PRELID2: variants seen among roughly 807,000 people sequenced by gnomAD.
The protein encoded by PRELID2 is PRELI domain containing 2.
Under a neutral mutation model 28.4 loss-of-function variants are expected in PRELID2, and 25 were observed. The ratio of observed to expected loss-of-function variants is 0.88; its 90% confidence interval spans 0.64 to 1.23. The LOEUF is 1.23. Among genes scored for constraint, PRELID2 ranks in the 50% most tolerant of loss-of-function variants. PRELID2 has a pLI of 0.00. For synonymous variants in PRELID2, 76 were observed against 71.6 expected (o/e 1.06, Z -0.31); for missense variants, 201 against 214.4 (o/e 0.94, Z 0.39).
intron 1 of PRELID2, among the ~76,000 whole-genome samples, chr5:145,643,635 T>C (rs982010544): frequency 3.9e-5 from 6 of 152,232 alleles, no homozygotes; most frequent in Non-Finnish European, 8.8e-5. Context: ...TCCAGTATGA[T>C]ATTGACTGTG....
chr5:145,678,940 C>T (rs1043427962), intron 1 of PRELID2, among the ~76,000 whole-genome samples: 1 of 152,162 alleles, frequency 6.6e-6, no homozygotes, highest in African/African-American at 2.4e-5. Context: ...ATTCACATTT[C>T]TTTATTGCTC....
At chr5:145,818,358 T>G (rs933448597) in intron 3 of PRELID2, among the ~76,000 whole-genome samples, 1 of 152,328 alleles carries the variant, frequency 6.6e-6, no homozygotes, top group South Asian at 2.1e-4. Flanking sequence ...AGGCTGGTTA[T>G]GGCCTTCTTA....
At chr5:145,740,837 T>C in intron 1 of PRELID2, among the ~76,000 whole-genome samples, 1 of 113,036 alleles carries the variant, frequency 8.8e-6, no homozygotes, top group South Asian at 2.6e-4. Flanking sequence ...AATATATATT[T>C]ATCGATAAAT....
chr5:145,287,894 T>C, the PRELID2 span, among the ~76,000 whole-genome samples: 1 of 152,164 alleles, frequency 6.6e-6, no homozygotes, highest in African/African-American at 2.4e-5. Flanking sequence ...ACTTACCTTG[T>C]TTTTGATGAC....
the PRELID2 span, among the ~76,000 whole-genome samples, chr5:145,368,952 A>C: frequency 6.6e-6 from 1 of 151,230 alleles, no homozygotes. Flanking sequence ...TTTCCTGATC[A>C]TCTCCCTCTT....
chr5:145,530,835 G>C (rs1752649022), intron 1 of PRELID2, among the ~76,000 whole-genome samples: 1 of 151,974 alleles, frequency 6.6e-6, no homozygotes, highest in Non-Finnish European at 1.5e-5. Flanking sequence ...CCAAGGAGAA[G>C]CACAGACATC....
chr5:145,257,755 C>T, the PRELID2 span, among the ~76,000 whole-genome samples: 12,583 of 152,146 alleles, frequency 0.083, 1,126 homozygotes, highest in African/African-American at 0.23. Flanking sequence ...CATTTCATAA[C>T]GATAAATGGG....
chr5:145,561,469 CT>C (rs1752924955), intron 1 of PRELID2, among the ~76,000 whole-genome samples: 1 of 152,110 alleles, frequency 6.6e-6, no homozygotes, highest in African/African-American at 2.4e-5. Context: ...GAAGGAAATC[CT>C]GCTGTTTTCA....
chr5:145,289,678 G>T, the PRELID2 span, among the ~76,000 whole-genome samples: 293 of 152,262 alleles, frequency 1.9e-3, 3 homozygotes, highest in Non-Finnish European at 3.5e-3. Context: ...TTGCCAAATA[G>T]TGTTCTAAAG....
the PRELID2 span, among the ~76,000 whole-genome samples, chr5:145,363,028 T>C: frequency 6.6e-6 from 1 of 150,952 alleles, no homozygotes; most frequent in African/African-American, 2.4e-5. Context: ...GATTCTTTTT[T>C]CTTCTCCACC....
chr5:145,430,709 G>A, the PRELID2 span, among the ~76,000 whole-genome samples: 25 of 152,016 alleles, frequency 1.6e-4, no homozygotes, highest in African/African-American at 4.8e-4. Flanking sequence ...ATATATCCTC[G>A]CCCAGGACTC....
At chr5:145,799,007 G>T (rs1375388364) in intron 4 of PRELID2, among the ~76,000 whole-genome samples, 4 of 148,278 alleles carry the variant, frequency 2.7e-5, no homozygotes, top group African/African-American at 1.0e-4. Flanking sequence ...ATGTACCCTA[G>T]AACTTAAAGT....
At chr5:145,382,970 G>T in the PRELID2 span, among the ~76,000 whole-genome samples, 2 of 151,776 alleles carry the variant, frequency 1.3e-5, no homozygotes, top group East Asian at 3.9e-4. Context: ...ACTACTGAGA[G>T]AATTTTAAAA....
the PRELID2 span, among the ~76,000 whole-genome samples, chr5:145,280,989 T>C: frequency 6.6e-6 from 1 of 152,150 alleles, no homozygotes; most frequent in African/African-American, 2.4e-5. Context: ...GGAACAGCAG[T>C]ATCTAGATGC....
chr5:145,668,118 C>A (rs1754631792), intron 1 of PRELID2, among the ~76,000 whole-genome samples: 1 of 152,020 alleles, frequency 6.6e-6, no homozygotes, highest in Non-Finnish European at 1.5e-5. Context: ...TCTGCACATT[C>A]AAGAAATATC....
intron 1 of PRELID2, among the ~76,000 whole-genome samples, chr5:145,670,026 T>C (rs986496637): frequency 2.0e-5 from 3 of 152,146 alleles, no homozygotes; most frequent in Non-Finnish European, 4.4e-5. Context: ...TGATTAATCA[T>C]ATGTGCTCAT....
At chr5:145,672,896 T>C (rs1367024691) in intron 1 of PRELID2, among the ~76,000 whole-genome samples, 2 of 152,188 alleles carry the variant, frequency 1.3e-5, no homozygotes, top group Non-Finnish European at 2.9e-5. Context: ...ATTTGAATTA[T>C]AAAACTTTTT....
chr5:145,337,127 T>A, the PRELID2 span, among the ~76,000 whole-genome samples: 2 of 150,482 alleles, frequency 1.3e-5, no homozygotes, highest in East Asian at 3.9e-4. Flanking sequence ...ATAATAATAA[T>A]AAAAAGAACC....
chr5:145,807,186 C>T (rs112546217), intron 4 of PRELID2, among the ~76,000 whole-genome samples: 2,519 of 152,230 alleles, frequency 0.017, 50 homozygotes, highest in African/African-American at 0.053. Flanking sequence ...AGCTCCAATA[C>T]AATCTTATGG....
Sources: allele counts gnomAD v4.1 joint callset (sites outside exome capture counted in the v4.1 genomes callset), GRCh38; gene constraint gnomAD v4.1.1; transcripts MANE v1.5; gene names NCBI Gene and HGNC (gene_info 2026-07-23, HGNC 2026-07-21).